NELL1: variants seen among roughly 807,000 people sequenced by gnomAD.
The protein encoded by NELL1 is protein kinase C-binding protein NELL1.
NELL1 carries 76 observed loss-of-function variants against 107.4 expected under a neutral mutation model. The ratio of observed to expected loss-of-function variants is 0.71; its 90% CI spans 0.59 to 0.86. The LOEUF (loss-of-function observed/expected upper bound fraction) is 0.86, where lower values mean the gene tolerates loss of function less well. Among genes scored for constraint, NELL1 ranks in the 40% least tolerant of loss-of-function variants. NELL1 has a pLI of 0.00. For missense variants in NELL1, 1,024 were observed against 1,005.5 expected (o/e 1.02, Z -0.25); for synonymous variants, 353 against 341.2 (o/e 1.03, Z -0.38).
chr11:21,279,828 A>G (rs539689510), intron 14 of NELL1, among the ~76,000 whole-genome samples: 37 of 152,354 alleles, frequency 2.4e-4, no homozygotes, highest in South Asian at 4.1e-4. Context: ...AATGTCTTCC[A>G]GGAGTTGAAA....
intron 2 of NELL1, among the ~76,000 whole-genome samples, chr11:20,774,138 CTCCCTTCTTTCCTCCA>C (rs1856699865): frequency 1.4e-5 from 1 of 69,754 alleles, no homozygotes; most frequent in African/African-American, 6.3e-5. Context: ...CCCTCCGTCC[CTCCCTTCTTTCCTCCA>C]TCCCTCCCTC....
At chr11:21,173,266 C>G (rs1178156444) in intron 13 of NELL1, among the ~76,000 whole-genome samples, 1 of 151,692 alleles carries the variant, frequency 6.6e-6, no homozygotes, top group Non-Finnish European at 1.5e-5. Context: ...TCAAGCTTGA[C>G]TGTAGAGGCC....
rs879900585 is a variant in NELL1, at chr11:21,366,690, G to A, written c.1550-4163G>A. Among the ~76,000 whole-genome samples, 15 of 152,032 alleles carry A rather than the reference G, an allele frequency of 9.9e-5. No individual in the cohort carries two copies. The East Asian group carries it at 1.4e-3, about 14-fold the overall frequency. On this transcript the variant is annotated intron_variant, in intron 14 of 19. Transcript: ENST00000357134. ...CCATGGGGTAGAATGAGCAAAGTCA[G>A]CAGGCAGAGGTCAGAAATTAGCTTC...
At chr11:21,443,165 T>TTG (rs1853335869) in intron 15 of NELL1, among the ~76,000 whole-genome samples, 1 of 152,080 alleles carries the variant, frequency 6.6e-6, no homozygotes, top group African/African-American at 2.4e-5. Context: ...GCAAGCAAGC[T>TTG]TGTAGGTCAA....
At chr11:21,441,692 T>C (rs1853289378) in intron 15 of NELL1, among the ~76,000 whole-genome samples, 2 of 152,256 alleles carry the variant, frequency 1.3e-5, no homozygotes, top group East Asian at 1.9e-4. Context: ...TTTGACACTT[T>C]AATTTATTTA....
chr11:20,792,057 G>A (rs1519737), intron 3 of NELL1, among the ~76,000 whole-genome samples: 87,031 of 151,756 alleles, frequency 0.57, 28,369 homozygotes, highest in East Asian at 0.86. Flanking sequence ...CATAAGTGAG[G>A]TATTGGTCTG....
chr11:21,070,074 G>A (rs1203463422), intron 12 of NELL1, among the ~76,000 whole-genome samples: 1 of 152,018 alleles, frequency 6.6e-6, no homozygotes, highest in Admixed American at 6.6e-5. Flanking sequence ...TGAAATGACG[G>A]GTTTGCTCAT....
chr11:21,498,054 G>A (rs1185807441), intron 15 of NELL1, among the ~76,000 whole-genome samples: 1 of 151,636 alleles, frequency 6.6e-6, no homozygotes, highest in Non-Finnish European at 1.5e-5. Flanking sequence ...AAATAATACA[G>A]CCAGGCAGAA....
intron 12 of NELL1, among the ~76,000 whole-genome samples, chr11:20,999,983 G>GTC (rs1852179617): frequency 6.6e-6 from 1 of 152,158 alleles, no homozygotes; most frequent in Admixed American, 6.5e-5. Flanking sequence ...GGTTGTGTGT[G>GTC]TGTGTGTGTC....
intron 14 of NELL1, chr11:21,260,395 T>A (rs564007945): frequency 6.6e-6 from 1 of 152,024 alleles, no homozygotes; most frequent in South Asian, 2.1e-4. Flanking sequence ...TGTCCCTTTG[T>A]ATAACCAGAG....
At chr11:21,178,947 A>G (rs1268584159) in intron 13 of NELL1, among the ~76,000 whole-genome samples, 2 of 151,810 alleles carry the variant, frequency 1.3e-5, no homozygotes, top group Non-Finnish European at 2.9e-5. Context: ...TGCATGGCTG[A>G]GGTTTGTGAA....
At chr11:20,898,558 C>G (rs1197490346) in intron 5 of NELL1, among the ~76,000 whole-genome samples, 1 of 150,206 alleles carries the variant, frequency 6.7e-6, no homozygotes, top group Non-Finnish European at 1.5e-5. Context: ...TACCCTAAAA[C>G]TTAAAGTATA....
chr11:20,902,759 T>C (rs935465534), intron 5 of NELL1, among the ~76,000 whole-genome samples: 1 of 151,996 alleles, frequency 6.6e-6, no homozygotes, highest in African/African-American at 2.4e-5. Context: ...TACGTTGTAG[T>C]AGAGACATAG....
chr11:21,151,556 C>T (rs1007426686), intron 13 of NELL1, among the ~76,000 whole-genome samples: 4 of 152,166 alleles, frequency 2.6e-5, no homozygotes, highest in African/African-American at 9.7e-5. Flanking sequence ...GGTTAAATTA[C>T]TTCTCTTCTG....
At chr11:20,937,917 G>A (rs968504384) in intron 10 of NELL1, 58 bp downstream of exon 10, 88 of 1,535,226 alleles carry the variant, frequency 5.7e-5, no homozygotes, top group Admixed American at 8.4e-5. Flanking sequence ...TAGATGTGTG[G>A]GCTTTAGATG....
At chr11:21,315,555 A>C (rs953936632) in intron 14 of NELL1, among the ~76,000 whole-genome samples, 1 of 152,188 alleles carries the variant, frequency 6.6e-6, no homozygotes, top group African/African-American at 2.4e-5. Context: ...GATGAAGGTC[A>C]CTGAAATTTC....
intron 14 of NELL1, among the ~76,000 whole-genome samples, chr11:21,266,706 C>T (rs968603337): frequency 6.6e-6 from 1 of 151,998 alleles, no homozygotes; most frequent in Non-Finnish European, 1.5e-5. Flanking sequence ...CTCTACAGTC[C>T]TCTTCCTAGC....
intron 12 of NELL1, among the ~76,000 whole-genome samples, chr11:20,993,545 G>T (rs1799525215): frequency 6.6e-6 from 1 of 152,124 alleles, no homozygotes; most frequent in Non-Finnish European, 1.5e-5. Flanking sequence ...CTCAGTGTCT[G>T]TGGGGGATTG....
chr11:21,270,717 C>T (rs1848721641), intron 14 of NELL1, among the ~76,000 whole-genome samples: 1 of 152,106 alleles, frequency 6.6e-6, no homozygotes, highest in South Asian at 2.1e-4. Context: ...AGTGACAGCA[C>T]AACACACATT....
Sources: allele counts gnomAD v4.1 joint callset (sites outside exome capture counted in the v4.1 genomes callset), GRCh38; gene constraint gnomAD v4.1.1; transcripts MANE v1.5; gene names NCBI Gene and HGNC (gene_info 2026-07-23, HGNC 2026-07-21).